The following PNKD variants were observed in gnomAD, a reference collection of about 807,000 sequenced individuals.
PNKD encodes PNKD metallo-beta-lactamase domain containing, also known as probable thioesterase PNKD.
PNKD carries 36 observed loss-of-function variants against 45.3 expected under a neutral mutation model. The observed-to-expected ratio is 0.80, with a 90% CI of 0.61 to 1.05. The LOEUF is 1.05. PNKD is among the 50% of genes least tolerant of loss of function. The pLI is 0.00. For missense variants in PNKD, 511 were observed against 506.6 expected (o/e 1.01, Z -0.08); for synonymous variants, 197 against 210.1 (o/e 0.94, Z 0.54).
chr2:218,280,158 G>T, intron 2 of PNKD: 1 of 1,508,012 alleles, frequency 6.6e-7, no homozygotes, highest in Non-Finnish European at 9.2e-7. Flanking sequence ...CTCAGCTGGG[G>T]ACCTGAGACA....
chr2:218,323,324 C>T (rs771124313), intron 2 of PNKD: 4 of 1,570,744 alleles, frequency 2.5e-6, no homozygotes, highest in Non-Finnish European at 3.4e-6. Flanking sequence ...GCTGGCTCCT[C>T]CTCGTCCTTG....
chr2:218,299,913 G>A (rs895068529), intron 2 of PNKD, among the ~76,000 whole-genome samples: 20 of 152,100 alleles, frequency 1.3e-4, no homozygotes, highest in Non-Finnish European at 2.2e-4. Flanking sequence ...GAGCCACCGC[G>A]CCCGGCTAAT....
chr2:218,323,321 C>G (rs933665279), intron 2 of PNKD: 8 of 1,567,768 alleles, frequency 5.1e-6, no homozygotes, highest in Non-Finnish European at 6.9e-6. Flanking sequence ...GCTGCTGGCT[C>G]CTCCTCGTCC....
chr2:218,285,907 C>T (rs1428317661), intron 2 of PNKD: 1 of 154,088 alleles, frequency 6.5e-6, no homozygotes, highest in Non-Finnish European at 1.5e-5. Flanking sequence ...GCAAGGCCTC[C>T]ACTAGGGATG....
rs1306351996 is a variant in PNKD at position 218,275,996 on chromosome 2, T to C, written c.236+4447T>C. 6 of 1,602,652 alleles carry C rather than the reference T, an allele frequency of 3.7e-6. No individual in the cohort carries two copies. The East Asian group carries it at 1.3e-4, about 36-fold the overall frequency. On this transcript the variant is annotated intron_variant, in intron 2 of 9. Transcript: ENST00000273077. Reference sequence around the variant, plus strand: ...AGATTCCTCCCCTCATCCCCTCAGCTCCCCTTCCTAGAGTGGGGCTGGGAC... The same window carrying C: ...AGATTCCTCCCCTCATCCCCTCAGCCCCCCTTCCTAGAGTGGGGCTGGGAC...
At chr2:218,327,621 T>C (rs1694192061) in intron 2 of PNKD, among the ~76,000 whole-genome samples, 1 of 152,080 alleles carries the variant, frequency 6.6e-6, no homozygotes, top group South Asian at 2.1e-4. Context: ...GCAAGCCACA[T>C]TGCCGACAGT....
At chr2:218,274,535 C>T (rs559032091) in intron 2 of PNKD, 5 of 154,848 alleles carry the variant, frequency 3.2e-5, no homozygotes, top group African/African-American at 1.2e-4. Context: ...CAGTAGGCTT[C>T]GGTATCTCCC....
intron 6 of PNKD, 122 bp from the exon 7 acceptor site, chr2:218,341,859 A>G: frequency 1.2e-6 from 1 of 864,910 alleles, no homozygotes. Context: ...CACTGGGGTG[A>G]CTTCTTTTGT....
At chr2:218,276,656 C>T (rs559805871) in intron 2 of PNKD, among the ~76,000 whole-genome samples, 2 of 152,348 alleles carry the variant, frequency 1.3e-5, no homozygotes, top group South Asian at 4.1e-4. Flanking sequence ...CGCAAGGTCC[C>T]TTCCACCTAG....
intron 2 of PNKD, among the ~76,000 whole-genome samples, chr2:218,307,207 A>G (rs1186964226): frequency 1.3e-5 from 2 of 152,138 alleles, no homozygotes; most frequent in African/African-American, 4.8e-5. Flanking sequence ...GACCAGTTTC[A>G]TGGAAGGCAG....
intron 2 of PNKD, among the ~76,000 whole-genome samples, chr2:218,293,146 C>T (rs186623055): frequency 1.6e-3 from 250 of 152,340 alleles, no homozygotes; most frequent in African/African-American, 5.1e-3. Flanking sequence ...ATTACTCAAC[C>T]AGGAAAGCAG....
chr2:218,342,571 ATG>A (rs1694712166), intron 7 of PNKD, among the ~76,000 whole-genome samples: 1 of 151,354 alleles, frequency 6.6e-6, no homozygotes, highest in South Asian at 2.1e-4. Context: ...ATGGTGGTGC[ATG>A]CCTGTAATCC....
intron 2 of PNKD, among the ~76,000 whole-genome samples, chr2:218,333,493 A>G (rs944517328): frequency 2.0e-5 from 3 of 152,212 alleles, no homozygotes; most frequent in African/African-American, 7.2e-5. Context: ...GTTGCTAAAC[A>G]TCTTCCACTT....
intron 7 of PNKD, 147 bp from the exon 8 acceptor site, chr2:218,343,353 A>G: frequency 4.2e-6 from 3 of 721,732 alleles, no homozygotes; most frequent in Non-Finnish European, 5.0e-6. Flanking sequence ...AGGAGGGAAT[A>G]GATGCCTGGG....
chr2:218,279,965 A>G, intron 2 of PNKD: 1 of 1,287,190 alleles, frequency 7.8e-7, no homozygotes, highest in Non-Finnish European at 1.1e-6. Context: ...TGGCCTACCC[A>G]CTTCCCATTC....
intron 2 of PNKD, among the ~76,000 whole-genome samples, chr2:218,307,697 T>C (rs1693459310): frequency 6.6e-6 from 1 of 152,096 alleles, no homozygotes; most frequent in Non-Finnish European, 1.5e-5. Flanking sequence ...CCGTGGGGCA[T>C]CCAAGGGAGG....
intron 2 of PNKD, among the ~76,000 whole-genome samples, chr2:218,308,647 C>T (rs1461317258): frequency 1.3e-5 from 2 of 150,934 alleles, no homozygotes; most frequent in African/African-American, 4.9e-5. Context: ...AGTGCAATAG[C>T]ATAATCTCGG....
intron 2 of PNKD, among the ~76,000 whole-genome samples, chr2:218,272,279 G>A (rs966310989): frequency 6.6e-6 from 1 of 152,240 alleles, no homozygotes; most frequent in Non-Finnish European, 1.5e-5. Context: ...TCGTGCTGAG[G>A]ATCAGGCTCT....
At chr2:218,325,575 G>A (rs1684282650) in intron 2 of PNKD, among the ~76,000 whole-genome samples, 4 of 152,084 alleles carry the variant, frequency 2.6e-5, no homozygotes, top group African/African-American at 7.2e-5. Context: ...GCCTTATCTG[G>A]GGAAAGATTT....
Sources: gnomAD v4.1 joint callset for allele counts (sites outside exome capture counted in the v4.1 genomes callset) on GRCh38, gnomAD v4.1.1 for gene constraint, MANE v1.5 for transcripts, NCBI Gene and HGNC (gene_info 2026-07-23, HGNC 2026-07-21) for gene names.